Variants in HOXC4 observed in about 807,000 individuals in gnomAD.
HOXC4 encodes the protein homeobox C4, also known as homeobox protein Hox-C4.
HOXC4 carries 15 observed loss-of-function variants against 25.5 expected under a neutral mutation model. The observed-to-expected ratio is 0.59, with a 90% CI of 0.39 to 0.91. The LOEUF is 0.91. HOXC4 is among the 40% of genes least tolerant of loss of function. The pLI is 0.00. For missense variants in HOXC4, 342 were observed against 352.4 expected, an observed-to-expected ratio of 0.97 and a Z score of 0.24; for synonymous variants, 165 against 148.0, an observed-to-expected ratio of 1.11 and a Z score of -0.83.
At chr12:54,049,747 T>TAC (rs10590659), upstream of HOXC4, among the ~76,000 whole-genome samples, 425 of 125,820 alleles carry the variant, frequency 3.4e-3, 3 homozygotes, top group Non-Finnish European at 4.3e-3. Flanking sequence ...GACAAACACA[T>TAC]ACACACACAC....
chr12:54,023,925 C>T (rs1940564040), intron 1 of HOXC4, among the ~76,000 whole-genome samples: 2 of 152,184 alleles, frequency 1.3e-5, no homozygotes, highest in South Asian at 4.1e-4. Flanking sequence ...CCAGGAGGCT[C>T]TTTGCGATCT....
At chr12:54,026,127 G>C (rs557325987) in intron 1 of HOXC4, among the ~76,000 whole-genome samples, 6 of 152,232 alleles carry the variant, frequency 3.9e-5, no homozygotes, top group Admixed American at 1.3e-4. Flanking sequence ...AAATTGGAGG[G>C]GGGGACAGAG....
At chr12:54,033,010 A>C in intron 1 of HOXC4, 1 of 782,332 alleles carries the variant, frequency 1.3e-6, no homozygotes, top group Non-Finnish European at 2.1e-6. Flanking sequence ...AGAAAGAGAT[A>C]TCTCCACCTA....
upstream of HOXC4, among the ~76,000 whole-genome samples, chr12:54,050,452 C>T (rs768618930): frequency 2.6e-4 from 40 of 152,116 alleles, no homozygotes; most frequent in Admixed American, 6.5e-5. Context: ...AGAGGTGCAG[C>T]CCCTGGGCCA....
At chr12:54,033,889 T>G in intron 1 of HOXC4, 1 of 349,590 alleles carries the variant, frequency 2.9e-6, no homozygotes, top group East Asian at 9.4e-5. Flanking sequence ...CGCGGCTCCC[T>G]CCCTCCCTCC....
intron 1 of HOXC4, among the ~76,000 whole-genome samples, chr12:54,024,691 T>C (rs529819637): frequency 1.3e-5 from 2 of 148,488 alleles, no homozygotes; most frequent in Non-Finnish European, 3.0e-5. Flanking sequence ...AGTTCAGAGC[T>C]CACATGCCCC....
chr12:54,035,130 T>G (rs1257020329), intron 1 of HOXC4: 1 of 154,192 alleles, frequency 6.5e-6, no homozygotes, highest in Non-Finnish European at 1.4e-5. Flanking sequence ...AGCCTGCGCC[T>G]GCTGCATGCC....
upstream of HOXC4, among the ~76,000 whole-genome samples, chr12:54,052,618 C>T (rs1218944073): frequency 1.3e-5 from 2 of 151,798 alleles, no homozygotes; most frequent in African/African-American, 2.4e-5. Flanking sequence ...GGCCCCCTCC[C>T]TCCTCTACGG....
At chr12:54,028,393 G>A in intron 1 of HOXC4, 1 of 1,038,198 alleles carries the variant, frequency 9.6e-7, no homozygotes, top group Non-Finnish European at 1.4e-6. Context: ...CTGGGAGGGG[G>A]TCAGCTGACT....
chr12:54,038,941 C>G (rs1020052684), intron 1 of HOXC4, among the ~76,000 whole-genome samples: 11 of 152,134 alleles, frequency 7.2e-5, no homozygotes, highest in Non-Finnish European at 1.5e-4. Flanking sequence ...GGGCGCCCTT[C>G]AGGTTTCTAG....
chr12:54,032,767 T>G, intron 1 of HOXC4: 1 of 170,738 alleles, frequency 5.9e-6, no homozygotes, highest in Non-Finnish European at 1.2e-5. Context: ...GTGGGCTTGT[T>G]GTCCCGGCTA....
At chr12:54,017,562 G>C (rs1804620248) in intron 1 of HOXC4, 1 of 152,148 alleles carries the variant, frequency 6.6e-6, no homozygotes, top group East Asian at 1.9e-4. Context: ...AAAATTGGCG[G>C]GGGGAGAGAA....
At chr12:54,029,018 C>A (rs903052134) in intron 1 of HOXC4, 1 of 1,218,204 alleles carries the variant, frequency 8.2e-7, no homozygotes, top group Non-Finnish European at 1.1e-6. Context: ...TTTTATGGCC[C>A]CATAAAAACA....
chr12:54,052,731 C>T (rs1171391562), upstream of HOXC4, among the ~76,000 whole-genome samples: 1 of 152,160 alleles, frequency 6.6e-6, no homozygotes, highest in Non-Finnish European at 1.5e-5. Context: ...CGTGCCTCCC[C>T]AACTTGGTGA....
chr12:54,029,874 C>T lies in HOXC4; in HGVS notation c.-124+12460C>T, dbSNP rs976893207. 1.2e-6 allele frequency: 2 copies of T among 1,612,372 alleles called. No homozygotes were observed. The highest frequency in any genetic ancestry group is 1.3e-5 in the African/African-American group (1 of 74,730). On this transcript the variant is annotated intron_variant, in intron 1 of 3. Coordinates refer to the HOXC4 transcript ENST00000303406. Reference sequence around the variant, plus strand: ...GAATCTAATCTCACATCCACTCTCTCGGGGGGCGGCGGAGGGGCCACCGCC... The same window carrying T: ...GAATCTAATCTCACATCCACTCTCTTGGGGGGCGGCGGAGGGGCCACCGCC...
In HOXC4 at chr12:54,054,195, C is replaced by T; in HGVS notation, c.273C>T (p.Pro91=). The change falls in exon 1 of 2, where the codon CCC becomes CCT. Residue 91 remains proline (P), a synonymous_variant. Coordinates refer to ENST00000430889, the MANE Select transcript of HOXC4 (RefSeq NM_153633.3). ...CGGCCCAGGCGGGCCACCACCACCC[C>T]GAGAAATCACAGTCGCTCTGCGAGC... is the stretch of plus-strand genomic sequence containing the variant. ...HGPAQAGHHH[P]EKSQSLCEPA... The T allele has an allele frequency of 6.2e-7, 1 of 1,613,318 alleles. No homozygotes were observed. The highest frequency in any genetic ancestry group is 8.5e-7 in the Non-Finnish European group (1 of 1,179,638).
chr12:54,026,112 C>T (rs1940685294), intron 1 of HOXC4, among the ~76,000 whole-genome samples: 1 of 152,144 alleles, frequency 6.6e-6, no homozygotes. Context: ...AGCAATCTCT[C>T]TCTGAAATTG....
At chr12:54,045,617 T>G (rs1009507242) in intron 1 of HOXC4, among the ~76,000 whole-genome samples, 2 of 152,176 alleles carry the variant, frequency 1.3e-5, no homozygotes, top group Non-Finnish European at 2.9e-5. Flanking sequence ...TGTTTAGAGA[T>G]GGTTTCATAA....
At chr12:54,025,513 G>C (rs1429799307) in intron 1 of HOXC4, among the ~76,000 whole-genome samples, 1 of 114,866 alleles carries the variant, frequency 8.7e-6, no homozygotes, top group Non-Finnish European at 1.8e-5. Context: ...CTTTCCTCAG[G>C]AATGAAAGGT....
Sources: allele counts gnomAD v4.1 joint callset (sites outside exome capture counted in the v4.1 genomes callset), GRCh38; gene constraint gnomAD v4.1.1; transcripts MANE v1.5; gene names NCBI Gene and HGNC (gene_info 2026-07-23, HGNC 2026-07-21).